The following KHDRBS2 variants were observed in gnomAD, a reference collection of about 807,000 sequenced individuals.
KHDRBS2 encodes KH domain-containing, RNA-binding, signal transduction-associated protein 2.
In KHDRBS2, 26 loss-of-function variants were observed where a neutral mutation model predicts 44.3. The observed-to-expected ratio is 0.59, with a 90% CI of 0.43 to 0.81. KHDRBS2 has a LOEUF of 0.81. Among genes scored for constraint, KHDRBS2 ranks in the 40% least tolerant of loss-of-function variants. The pLI is 0.00. For missense variants in KHDRBS2, 476 were observed against 433.1 expected (o/e 1.10, Z -0.88); for synonymous variants, 194 against 151.1 (o/e 1.28, Z -2.08).
downstream of KHDRBS2, among the ~76,000 whole-genome samples, chr6:61,675,275 G>T (rs1223452026): frequency 6.6e-6 from 1 of 151,748 alleles, no homozygotes; most frequent in African/African-American, 2.4e-5. Context: ...TAATAACATA[G>T]TTTTAAAAAT....
At chr6:61,609,387 T>A in the KHDRBS2 span, among the ~76,000 whole-genome samples, 1 of 152,112 alleles carries the variant, frequency 6.6e-6, no homozygotes, top group Non-Finnish European at 1.5e-5. Context: ...AACAAAAACA[T>A]TAAAGTTATT....
chr6:61,618,001 T>C, the KHDRBS2 span, among the ~76,000 whole-genome samples: 2 of 152,208 alleles, frequency 1.3e-5, no homozygotes, highest in Non-Finnish European at 2.9e-5. Flanking sequence ...CTTTAGCCTA[T>C]CTTTGCATTG....
chr6:61,550,858 C>A, the KHDRBS2 span, among the ~76,000 whole-genome samples: 3 of 149,014 alleles, frequency 2.0e-5, no homozygotes, highest in Non-Finnish European at 4.4e-5. Flanking sequence ...CTGCAGCCTC[C>A]ACCTCCTGGG....
At chr6:62,245,969 G>A (rs974773642) in intron 1 of KHDRBS2, among the ~76,000 whole-genome samples, 1 of 151,608 alleles carries the variant, frequency 6.6e-6, no homozygotes, top group African/African-American at 2.4e-5. Flanking sequence ...ACAACCTCAG[G>A]GCTGTGGTAC....
intron 6 of KHDRBS2, among the ~76,000 whole-genome samples, chr6:61,756,316 G>A (rs1045049910): frequency 1.3e-5 from 2 of 151,844 alleles, no homozygotes; most frequent in Non-Finnish European, 2.9e-5. Context: ...GAGTACAGTG[G>A]CACGATCTTG....
chr6:61,632,599 T>C, the KHDRBS2 span, among the ~76,000 whole-genome samples: 2 of 152,166 alleles, frequency 1.3e-5, no homozygotes, highest in South Asian at 4.1e-4. Flanking sequence ...GAATGGCATA[T>C]TCTTGATTGC....
chr6:62,094,521 C>T (rs563545994), intron 2 of KHDRBS2, among the ~76,000 whole-genome samples: 1 of 151,892 alleles, frequency 6.6e-6, no homozygotes, highest in African/African-American at 2.4e-5. Flanking sequence ...CTTTTCTGTG[C>T]AGAGGCTTTT....
chr6:62,110,237 A>C (rs1373989593), intron 2 of KHDRBS2, among the ~76,000 whole-genome samples: 1 of 152,100 alleles, frequency 6.6e-6, no homozygotes, highest in Non-Finnish European at 1.5e-5. Flanking sequence ...GAAATATAAA[A>C]TGATACAACT....
At chr6:61,612,394 T>G in the KHDRBS2 span, among the ~76,000 whole-genome samples, 3 of 152,202 alleles carry the variant, frequency 2.0e-5, no homozygotes, top group African/African-American at 7.2e-5. Flanking sequence ...TTTGTTAGAA[T>G]AAATATAGAC....
intron 3 of KHDRBS2, among the ~76,000 whole-genome samples, chr6:62,039,068 G>T (rs1785914114): frequency 6.6e-6 from 1 of 151,976 alleles, no homozygotes; most frequent in African/African-American, 2.4e-5. Flanking sequence ...GCAAAGCAAA[G>T]ATAGAATCCA....
At chr6:61,666,320 T>A in the KHDRBS2 span, among the ~76,000 whole-genome samples, 1 of 151,476 alleles carries the variant, frequency 6.6e-6, no homozygotes, top group Non-Finnish European at 1.5e-5. Context: ...TTCTTTAGCA[T>A]GTAAAATATT....
chr6:61,854,366 A>G (rs1326441542), intron 6 of KHDRBS2, among the ~76,000 whole-genome samples: 1 of 152,086 alleles, frequency 6.6e-6, no homozygotes, highest in Non-Finnish European at 1.5e-5. Flanking sequence ...TTATATATTC[A>G]GTTATTAAAA....
intron 8 of KHDRBS2, among the ~76,000 whole-genome samples, chr6:61,692,417 T>G (rs1437870180): frequency 6.6e-6 from 1 of 151,810 alleles, no homozygotes; most frequent in Non-Finnish European, 1.5e-5. Context: ...TGTTAATAAG[T>G]CATTTATAAT....
At chr6:61,830,197 G>T (rs1791573116) in intron 6 of KHDRBS2, among the ~76,000 whole-genome samples, 1 of 152,104 alleles carries the variant, frequency 6.6e-6, no homozygotes, top group Admixed American at 6.6e-5. Context: ...TATTGATATG[G>T]GTAGAGCTTA....
chr6:61,710,389 C>T (rs1327906843), intron 7 of KHDRBS2, among the ~76,000 whole-genome samples: 1 of 151,700 alleles, frequency 6.6e-6, no homozygotes, highest in Non-Finnish European at 1.5e-5. Context: ...ATACTTTGAA[C>T]TCAATTTTAA....
chr6:61,592,057 G>A, the KHDRBS2 span, among the ~76,000 whole-genome samples: 1 of 151,890 alleles, frequency 6.6e-6, no homozygotes, highest in African/African-American at 2.4e-5. Flanking sequence ...CCAGTGTGGT[G>A]GCTCAGGTCT....
intron 4 of KHDRBS2, among the ~76,000 whole-genome samples, chr6:61,931,394 T>TGTTTTTAA (rs1310292378): frequency 2.6e-5 from 4 of 151,896 alleles, no homozygotes; most frequent in African/African-American, 9.7e-5. Flanking sequence ...AAACCTGAAA[T>TGTTTTTAA]GTTGGACTTA....
the KHDRBS2 span, among the ~76,000 whole-genome samples, chr6:61,573,692 G>A: frequency 1.3e-5 from 2 of 152,038 alleles, no homozygotes; most frequent in African/African-American, 4.8e-5. Flanking sequence ...GGGAAGCTGA[G>A]GCAGGAGAAT....
chr6:61,709,092 A>G (rs1402375264), intron 7 of KHDRBS2, among the ~76,000 whole-genome samples: 1 of 151,688 alleles, frequency 6.6e-6, no homozygotes, highest in African/African-American at 2.4e-5. Context: ...TTAAGTGTCT[A>G]GTACATATCA....
Sources: allele counts gnomAD v4.1 joint callset (sites outside exome capture counted in the v4.1 genomes callset), GRCh38; gene constraint gnomAD v4.1.1; transcripts MANE v1.5; gene names NCBI Gene and HGNC (gene_info 2026-07-23, HGNC 2026-07-21).